WDR64: variants seen among roughly 807,000 people sequenced by gnomAD.
The protein encoded by WDR64 is WD repeat-containing protein 64.
WDR64 carries 112 observed loss-of-function variants against 139.3 expected under a neutral mutation model. The ratio of observed to expected loss-of-function variants is 0.80; its 90% CI spans 0.69 to 0.94. WDR64 has a LOEUF of 0.94. WDR64 is among the 40% of genes least tolerant of loss of function. The pLI is 0.00. For missense variants in WDR64, 1,206 were observed against 1,293.1 expected, an observed-to-expected ratio of 0.93 and a Z score of 1.03; for synonymous variants, 444 against 437.7, an observed-to-expected ratio of 1.01 and a Z score of -0.18.
chr1:241,791,392 G>C (rs1262574125), intron 25 of WDR64, among the ~76,000 whole-genome samples: 3 of 152,164 alleles, frequency 2.0e-5, no homozygotes. Flanking sequence ...ATTTATGTGG[G>C]CCGGGCACAG....
At chr1:241,796,491 AC>A in intron 27 of WDR64, 121 bp downstream of exon 27, 1 of 659,774 alleles carries the variant, frequency 1.5e-6, no homozygotes, top group Non-Finnish European at 2.3e-6. Flanking sequence ...TTCAGTTCAT[AC>A]TTTTTTTTTT....
intron 2 of WDR64, among the ~76,000 whole-genome samples, chr1:241,663,432 C>G (rs72632897): frequency 2.0e-5 from 3 of 152,188 alleles, no homozygotes; most frequent in African/African-American, 7.2e-5. Context: ...AACACTATCC[C>G]TTGGCCACCC....
chr1:241,723,495 A>T, intron 10 of WDR64, 59 bp downstream of exon 10: 3 of 1,543,114 alleles, frequency 1.9e-6, no homozygotes, highest in Non-Finnish European at 2.6e-6. Flanking sequence ...ATCTGTTGGA[A>T]GGCATAGGGA....
intron 21 of WDR64, 82 bp downstream of exon 21, chr1:241,775,292 G>T: frequency 9.4e-7 from 1 of 1,068,058 alleles, no homozygotes; most frequent in Non-Finnish European, 1.3e-6. Flanking sequence ...AAAAATACAT[G>T]GTATATGGTG....
chr1:241,740,081 T>A (rs1021042349), intron 11 of WDR64, among the ~76,000 whole-genome samples: 1 of 152,198 alleles, frequency 6.6e-6, no homozygotes, highest in East Asian at 1.9e-4. Context: ...TTCTATTTTA[T>A]AAATGGAGAA....
chr1:241,771,984 ATATATT>A (rs1476784728), intron 19 of WDR64, among the ~76,000 whole-genome samples: 5 of 116,566 alleles, frequency 4.3e-5, no homozygotes, highest in Non-Finnish European at 9.1e-5. Flanking sequence ...ATATATATAT[ATATATT>A]CTTTTTGGAA....
At chr1:241,755,082 A>T (rs561708455) in intron 14 of WDR64, among the ~76,000 whole-genome samples, 2 of 152,344 alleles carry the variant, frequency 1.3e-5, no homozygotes, top group East Asian at 3.9e-4. Context: ...TTGGGTATAT[A>T]CCAAGTAATA....
chr1:241,780,233 G>A (rs1658797115), intron 22 of WDR64, among the ~76,000 whole-genome samples, 171 bp downstream of exon 22: 1 of 152,164 alleles, frequency 6.6e-6, no homozygotes, highest in Non-Finnish European at 1.5e-5. Context: ...TGGTGAAAAG[G>A]GATCAAGAAG....
chr1:241,792,408 C>G (rs916262561), intron 25 of WDR64, among the ~76,000 whole-genome samples: 3 of 152,020 alleles, frequency 2.0e-5, no homozygotes, highest in Non-Finnish European at 4.4e-5. Flanking sequence ...TGGTGGTGTG[C>G]ACCTGTAGTC....
At chr1:241,740,586 C>CT (rs1669498582) in intron 11 of WDR64, among the ~76,000 whole-genome samples, 1 of 151,846 alleles carries the variant, frequency 6.6e-6, no homozygotes, top group Non-Finnish European at 1.5e-5. Flanking sequence ...TTAACTTAAT[C>CT]TTTACATCGA....
intron 9 of WDR64, among the ~76,000 whole-genome samples, chr1:241,718,798 A>G (rs537001364): frequency 1.3e-5 from 2 of 152,102 alleles, no homozygotes; most frequent in East Asian, 1.9e-4. Context: ...GCTTGTAGAC[A>G]TCTGCCTTCT....
In WDR64 at chr1:241,652,465, A is replaced by G. The variant is rs1209057562; in HGVS notation, c.-20A>G. On this transcript the variant is annotated 5_prime_UTR_variant, in exon 1 of 28. Transcript: ENST00000437684. ...TGCAGTATTCTTTCTGTACAGAAGTAAAAGATCCCCTATGTCCCTATGGAT... is the reference window on the plus strand; with the variant it reads ...TGCAGTATTCTTTCTGTACAGAAGTGAAAGATCCCCTATGTCCCTATGGAT... 1.9e-6 allele frequency: 3 copies of G among 1,548,404 alleles called. No individual in the cohort carries two copies. The highest frequency in any genetic ancestry group is 2.6e-6 in the Non-Finnish European group (3 of 1,146,160).
intron 9 of WDR64, among the ~76,000 whole-genome samples, chr1:241,720,128 T>G (rs989954912): frequency 6.6e-6 from 1 of 152,232 alleles, no homozygotes; most frequent in Non-Finnish European, 1.5e-5. Context: ...GCAAAGGACA[T>G]GATCTTGTTC....
At chr1:241,693,760 GCAA>G (rs1667387599) in intron 8 of WDR64, among the ~76,000 whole-genome samples, 1 of 152,146 alleles carries the variant, frequency 6.6e-6, no homozygotes, top group South Asian at 2.1e-4. Flanking sequence ...CTGACTTGTT[GCAA>G]CAACAACAGC....
intron 2 of WDR64, among the ~76,000 whole-genome samples, chr1:241,669,358 A>G (rs2148069891): frequency 6.6e-6 from 1 of 152,342 alleles, no homozygotes; most frequent in Admixed American, 6.5e-5. Context: ...TGTTAACTGA[A>G]TAATGCATAA....
intron 8 of WDR64, among the ~76,000 whole-genome samples, chr1:241,702,616 T>C (rs1349941367): frequency 6.6e-6 from 1 of 152,126 alleles, no homozygotes; most frequent in Non-Finnish European, 1.5e-5. Flanking sequence ...TGTTCCTGCA[T>C]CTAGAGCAGG....
chr1:241,757,649 G>GTTTTTTT (rs35256499), intron 15 of WDR64, among the ~76,000 whole-genome samples, 190 bp downstream of exon 15: 21 of 95,216 alleles, frequency 2.2e-4, no homozygotes, highest in East Asian at 7.6e-4. Flanking sequence ...CAATGGATTT[G>GTTTTTTT]TTTTTTTTTT....
At chr1:241,704,510 C>T (rs1667859851) in intron 8 of WDR64, among the ~76,000 whole-genome samples, 1 of 152,074 alleles carries the variant, frequency 6.6e-6, no homozygotes, top group Admixed American at 6.5e-5. Flanking sequence ...CTTTCATTTT[C>T]CAAATTGACA....
At chr1:241,668,198 T>C (rs1444939195) in intron 2 of WDR64, among the ~76,000 whole-genome samples, 2 of 152,116 alleles carry the variant, frequency 1.3e-5, no homozygotes, top group African/African-American at 4.8e-5. Context: ...TGTTGAAGAT[T>C]CTGGGGAAAG....
Sources: gnomAD v4.1 joint callset for allele counts (sites outside exome capture counted in the v4.1 genomes callset) on GRCh38, gnomAD v4.1.1 for gene constraint, MANE v1.5 for transcripts, NCBI Gene and HGNC (gene_info 2026-07-23, HGNC 2026-07-21) for gene names.